Variants in TENM2 observed in about 807,000 individuals in gnomAD.
TENM2 encodes teneurin-2.
In TENM2, 52 loss-of-function variants were observed where a neutral mutation model predicts 245.2. That is an observed-to-expected ratio of 0.21 (90% CI 0.17 to 0.27). The LOEUF (loss-of-function observed/expected upper bound fraction) is 0.27. Ranked by LOEUF, TENM2 falls within the 10% of genes least tolerant of loss-of-function variation. The pLI is 1.00. For missense variants in TENM2, 3,046 were observed against 3,666.8 expected (o/e 0.83, Z 4.37); for synonymous variants, 1,363 against 1,438.9 (o/e 0.95, Z 1.19).
chr5:167,761,410 G>A (rs1180549358), intron 2 of TENM2, among the ~76,000 whole-genome samples: 3 of 151,886 alleles, frequency 2.0e-5, no homozygotes, highest in Non-Finnish European at 2.9e-5. Flanking sequence ...GAGGAAACAA[G>A]TGTCCCAAAG....
intron 1 of TENM2, among the ~76,000 whole-genome samples, chr5:167,359,835 A>G (rs998293075): frequency 6.6e-6 from 1 of 152,208 alleles, no homozygotes; most frequent in Non-Finnish European, 1.5e-5. Flanking sequence ...CTATGCAGCC[A>G]TAAAAAGGAA....
At chr5:167,238,941 A>C in the TENM2 span, among the ~76,000 whole-genome samples, 1 of 152,184 alleles carries the variant, frequency 6.6e-6, no homozygotes. Context: ...CCTGGGACCT[A>C]CTGAGCATTG....
intron 2 of TENM2, among the ~76,000 whole-genome samples, chr5:167,575,758 G>C (rs1774623997): frequency 6.6e-6 from 1 of 152,204 alleles, no homozygotes; most frequent in Non-Finnish European, 1.5e-5. Context: ...CACTGCTGTC[G>C]AATGTTTGAT....
chr5:167,743,088 C>A (rs1228847465), intron 2 of TENM2, among the ~76,000 whole-genome samples: 1 of 152,188 alleles, frequency 6.6e-6, no homozygotes, highest in African/African-American at 2.4e-5. Context: ...CCGAACAAAA[C>A]AACATACACA....
At chr5:167,938,025 A>G (rs1228338634) in intron 3 of TENM2, 1 of 152,304 alleles carries the variant, frequency 6.6e-6, no homozygotes, top group Non-Finnish European at 1.5e-5. Context: ...AACCTTGCAA[A>G]GAAAGCAATT....
chr5:167,266,784 G>T, the TENM2 span, among the ~76,000 whole-genome samples: 2 of 152,108 alleles, frequency 1.3e-5, no homozygotes, highest in Non-Finnish European at 2.9e-5. Context: ...TGAATAAAAG[G>T]TTTCAGACAC....
At chr5:168,246,541 A>C (rs1360826329) in intron 26 of TENM2, among the ~76,000 whole-genome samples, 1 of 152,230 alleles carries the variant, frequency 6.6e-6, no homozygotes, top group African/African-American at 2.4e-5. Context: ...AGTATTTTGC[A>C]TGCACATTAA....
At chr5:167,777,674 C>A (rs890858372) in intron 2 of TENM2, among the ~76,000 whole-genome samples, 4 of 152,138 alleles carry the variant, frequency 2.6e-5, no homozygotes, top group Admixed American at 2.6e-4. Flanking sequence ...TTGTGAAGAT[C>A]AAATAAAGCA....
chr5:167,965,542 C>T (rs1123570), intron 4 of TENM2: 2 of 151,696 alleles, frequency 1.3e-5, no homozygotes, highest in African/African-American at 4.8e-5. Flanking sequence ...TGATCACACC[C>T]CTGCGCTCCA....
At chr5:167,430,863 G>A (rs752487665) in intron 2 of TENM2, among the ~76,000 whole-genome samples, 4 of 152,112 alleles carry the variant, frequency 2.6e-5, no homozygotes, top group Non-Finnish European at 5.9e-5. Context: ...CAGATAATTT[G>A]GTCCACAGTT....
chr5:167,463,133 A>G (rs1442207887), intron 2 of TENM2, among the ~76,000 whole-genome samples: 2 of 152,184 alleles, frequency 1.3e-5, no homozygotes, highest in Non-Finnish European at 2.9e-5. Context: ...AACATATTAT[A>G]TTTCCTAGTT....
the TENM2 span, among the ~76,000 whole-genome samples, chr5:167,167,611 C>G: frequency 6.6e-6 from 1 of 152,190 alleles, no homozygotes; most frequent in Non-Finnish European, 1.5e-5. Context: ...CCAGGATGCA[C>G]TAGGCAGAAT....
chr5:167,446,226 G>T (rs1160917891), intron 2 of TENM2, among the ~76,000 whole-genome samples: 1 of 152,144 alleles, frequency 6.6e-6, no homozygotes, highest in African/African-American at 2.4e-5. Flanking sequence ...GACTCTGAAA[G>T]GCGAGTGAAC....
At chr5:167,043,037 A>ATTTATTGATC in the TENM2 span, among the ~76,000 whole-genome samples, 1 of 152,194 alleles carries the variant, frequency 6.6e-6, no homozygotes, top group African/African-American at 2.4e-5. Flanking sequence ...CTGACTTCTA[A>ATTTATTGATC]TTTATTGATC....
At chr5:167,125,699 T>C in the TENM2 span, among the ~76,000 whole-genome samples, 2 of 152,292 alleles carry the variant, frequency 1.3e-5, no homozygotes, top group East Asian at 3.9e-4. Flanking sequence ...ATGACTGTAA[T>C]CGTCCGTATG....
At chr5:167,253,753 G>C in the TENM2 span, among the ~76,000 whole-genome samples, 2 of 152,074 alleles carry the variant, frequency 1.3e-5, no homozygotes, top group Non-Finnish European at 2.9e-5. Flanking sequence ...TTAGGGCGAT[G>C]TTTAGTGCAT....
chr5:167,237,796 A>T, the TENM2 span, among the ~76,000 whole-genome samples: 6 of 152,202 alleles, frequency 3.9e-5, no homozygotes, highest in Non-Finnish European at 7.4e-5. Context: ...GTGGATCATG[A>T]GGTCAGGAGT....
intron 1 of TENM2, among the ~76,000 whole-genome samples, chr5:167,312,111 G>A (rs1465894684): frequency 6.6e-6 from 1 of 151,942 alleles, no homozygotes; most frequent in Non-Finnish European, 1.5e-5. Context: ...ATATATTGTT[G>A]TATACATACA....
chr5:167,611,508 GT>G (rs764958176), intron 2 of TENM2, among the ~76,000 whole-genome samples: 1 of 152,098 alleles, frequency 6.6e-6, no homozygotes, highest in Non-Finnish European at 1.5e-5. Flanking sequence ...GCAAGGTGGG[GT>G]TGAGATGTTC....
Sources: gnomAD v4.1 joint callset for allele counts (sites outside exome capture counted in the v4.1 genomes callset) on GRCh38, gnomAD v4.1.1 for gene constraint, MANE v1.5 for transcripts, NCBI Gene and HGNC (gene_info 2026-07-23, HGNC 2026-07-21) for gene names.